PLS1: variants seen among roughly 807,000 people sequenced by gnomAD.
The protein encoded by PLS1 is plastin-1.
In PLS1, 32 loss-of-function variants were observed where a neutral mutation model predicts 73.7. The ratio of observed to expected loss-of-function variants is 0.43; its 90% CI spans 0.33 to 0.58. The LOEUF (loss-of-function observed/expected upper bound fraction) is 0.58, where lower values mean the gene tolerates loss of function less well. PLS1 is among the 20% of genes least tolerant of loss of function. PLS1 has a pLI of 0.04. For synonymous variants in PLS1, 217 were observed against 261.3 expected (o/e 0.83, Z 1.63); for missense variants, 633 against 740.5 (o/e 0.85, Z 1.68).
At chr3:142,667,910 T>C (rs1393455094) in intron 2 of PLS1, among the ~76,000 whole-genome samples, 2 of 152,268 alleles carry the variant, frequency 1.3e-5, no homozygotes, top group Non-Finnish European at 2.9e-5. Context: ...GCTTCCTAGC[T>C]GAATTTTGCA....
chr3:142,678,795 A>G (rs1484702439), intron 6 of PLS1, among the ~76,000 whole-genome samples: 1 of 151,580 alleles, frequency 6.6e-6, no homozygotes, highest in African/African-American at 2.4e-5. Flanking sequence ...CCCAGTAATG[A>G]GATGGCTGGG....
intron 11 of PLS1, among the ~76,000 whole-genome samples, chr3:142,695,765 T>C (rs202085277): frequency 0.044 from 330 of 7,518 alleles, 3 homozygotes; most frequent in South Asian, 0.28. Flanking sequence ...GACTTACTTA[T>C]TTATTTATTT....
chr3:142,674,986 C>T (rs57128876), intron 4 of PLS1, among the ~76,000 whole-genome samples: 1 of 152,196 alleles, frequency 6.6e-6, no homozygotes, highest in East Asian at 1.9e-4. Context: ...CCACCTCAGC[C>T]TCCCAAAGTG....
At chr3:142,612,540 A>G (rs965557748) in intron 1 of PLS1, among the ~76,000 whole-genome samples, 6 of 152,132 alleles carry the variant, frequency 3.9e-5, no homozygotes, top group Non-Finnish European at 8.8e-5. Context: ...TCAGTAGAAA[A>G]GGTTAGATCT....
At position 142,601,220 on chromosome 3, in the gene PLS1, C is replaced by T. The variant is rs1279405004; in HGVS notation, c.-37+4711C>T. ...GATTACAAGCATGAGCCACCGCGCC[C>T]GGCCTATATTTTTTATATATATATG... is the stretch of plus-strand genomic sequence containing the variant. On this transcript the variant is annotated intron_variant, in intron 1 of 15. Transcript: ENST00000457734. Among the ~76,000 whole-genome samples the T allele has an allele frequency of 5.9e-5, 9 of 151,360 alleles. No homozygotes were observed. In the East Asian group the frequency reaches 7.8e-4, roughly 13 times the overall value.
intron 1 of PLS1, among the ~76,000 whole-genome samples, chr3:142,630,386 A>G (rs2036529864): frequency 7.0e-6 from 1 of 142,532 alleles, no homozygotes; most frequent in African/African-American, 2.6e-5. Flanking sequence ...GCACCAGTGC[A>G]CTCCAGCCTG....
chr3:142,679,471 C>T (rs1299466184), intron 6 of PLS1, among the ~76,000 whole-genome samples: 4 of 151,876 alleles, frequency 2.6e-5, no homozygotes, highest in African/African-American at 4.8e-5. Flanking sequence ...GGAAGGGATC[C>T]AGTTTCAGCT....
intron 6 of PLS1, among the ~76,000 whole-genome samples, chr3:142,680,489 A>G (rs1156723464): frequency 6.6e-6 from 1 of 152,232 alleles, no homozygotes; most frequent in African/African-American, 2.4e-5. Flanking sequence ...TAATTGTTGA[A>G]TTATTTATTA....
chr3:142,681,195 G>A (rs1188517064), intron 6 of PLS1, among the ~76,000 whole-genome samples: 1 of 151,806 alleles, frequency 6.6e-6, no homozygotes, highest in Non-Finnish European at 1.5e-5. Flanking sequence ...TTTCTTTAAT[G>A]CACTAAATAT....
At chr3:142,703,251 G>A (rs1308729528) in intron 12 of PLS1, among the ~76,000 whole-genome samples, 1 of 150,660 alleles carries the variant, frequency 6.6e-6, no homozygotes, top group Non-Finnish European at 1.5e-5. Context: ...AGGCACACAT[G>A]TGCCATTAAT....
At chr3:142,631,400 C>G (rs983427897) in intron 1 of PLS1, among the ~76,000 whole-genome samples, 1 of 151,740 alleles carries the variant, frequency 6.6e-6, no homozygotes, top group Non-Finnish European at 1.5e-5. Flanking sequence ...GTAGGAAAAT[C>G]GTTTGAACCT....
chr3:142,689,871 T>A (rs2038053099), intron 10 of PLS1, 58 bp downstream of exon 10: 1 of 1,093,288 alleles, frequency 9.1e-7, no homozygotes, highest in Non-Finnish European at 1.3e-6. Flanking sequence ...GGTATTGTCT[T>A]ACTTCACTGT....
At position 142,711,995 on chromosome 3, in the gene PLS1, C is replaced by T; in HGVS notation, c.1878C>T (p.Asn626=). Residue 626 remains asparagine, a synonymous_variant, in exon 16 of 16, where the codon AAC becomes AAT. Coordinates refer to ENST00000457734, the MANE Select transcript of PLS1 (RefSeq NM_001145319.2). ...VFACLMGKGL[N]RIK is the part of the protein sequence containing the mutation. ...CATGCTTAATGGGAAAAGGACTGAA[C>T]AGAATAAAATAATCATTTCATATGA... The T allele has an allele frequency of 6.2e-7, 1 of 1,612,998 alleles. No homozygotes were observed. Among genetic ancestry groups the T allele is most frequent in the Non-Finnish European group, 8.5e-7 (1 of 1,179,106 alleles).
chr3:142,639,636 C>T (rs960126674), intron 1 of PLS1, among the ~76,000 whole-genome samples: 2 of 152,146 alleles, frequency 1.3e-5, no homozygotes, highest in African/African-American at 4.8e-5. Flanking sequence ...CTTATACTAA[C>T]ATTGCTGTTT....
chr3:142,684,164 G>T lies in PLS1; in HGVS notation c.738G>T (p.Arg246Ser). 1 of 1,613,972 alleles carries T rather than the reference G, an allele frequency of 6.2e-7. No individual in the cohort carries two copies. Among genetic ancestry groups the T allele is most frequent in the South Asian group, 1.1e-5 (1 of 91,064 alleles). The part of the protein sequence containing the change: ...VGLFADIEIS[R>S]NEALIALLNE... ...TTTTTGCTGATATTGAGATTTCCAG[G>T]AATGAAGGTAAGATCATTAGAAATA... is the stretch of plus-strand genomic sequence containing the variant. The change falls in exon 7 of 16, where the codon AGG (arginine) becomes AGT (serine). Residue 246 changes from arginine (R) to serine (S), a missense_variant. Coordinates refer to ENST00000457734, the MANE Select transcript of PLS1 (RefSeq NM_001145319.2).
rs1380765976 is a variant in PLS1, at chr3:142,669,440, A to G, written c.121A>G (p.Lys41Glu). The part of the protein sequence containing the change: ...VSDYELQDLF[K>E]EASLPLPGYK... ...TGACTATGAACTTCAAGACCTGTTT[A>G]AGGAAGCAAGCCTTCCTCTGCCTGG... The change falls in exon 3 of 16, where the codon AAG (lysine) becomes GAG (glutamate). Residue 41 changes from lysine (K) to glutamate (E), a missense_variant. Lys to Glu is a moderately conservative substitution (Grantham distance 56, BLOSUM62 1). Transcript: ENST00000457734. 7 of 1,607,134 alleles carry G rather than the reference A, an allele frequency of 4.4e-6. No individual in the cohort carries two copies. The highest frequency in any genetic ancestry group is 6.0e-6 in the Non-Finnish European group (7 of 1,173,792).
chr3:142,711,715 T>A, intron 15 of PLS1, 90 bp downstream of exon 15: 1 of 1,317,236 alleles, frequency 7.6e-7, no homozygotes, highest in Non-Finnish European at 1.0e-6. Flanking sequence ...AAAATTCATA[T>A]TTTTAAATAT....
chr3:142,606,095 A>G (rs1170752709), intron 1 of PLS1, among the ~76,000 whole-genome samples: 1 of 152,218 alleles, frequency 6.6e-6, no homozygotes, highest in Non-Finnish European at 1.5e-5. Context: ...TGAATCCTGA[A>G]ACATTGTACA....
intron 1 of PLS1, among the ~76,000 whole-genome samples, chr3:142,647,503 C>CTTTTT (rs375387869): frequency 4.2e-5 from 6 of 141,956 alleles, no homozygotes; most frequent in South Asian, 2.2e-4. Context: ...TTTTTCTTTT[C>CTTTTT]TTTTTTTTTT....
Sources: gnomAD v4.1 joint callset for allele counts (sites outside exome capture counted in the v4.1 genomes callset) on GRCh38, gnomAD v4.1.1 for gene constraint, MANE v1.5 for transcripts, NCBI Gene and HGNC (gene_info 2026-07-23, HGNC 2026-07-21) for gene names.